Variants in DVL2 observed in about 807,000 individuals in gnomAD.
DVL2 encodes dishevelled segment polarity protein 2.
A neutral mutation model predicts 69.8 loss-of-function variants in DVL2; 38 were observed. The ratio of observed to expected loss-of-function variants is 0.54; its 90% CI spans 0.42 to 0.71. DVL2 has a LOEUF of 0.71. DVL2 is among the 30% of genes least tolerant of loss of function. The pLI, the probability that DVL2 is intolerant of heterozygous loss-of-function variation, is 0.00. For synonymous variants in DVL2, 428 were observed against 392.4 expected, an observed-to-expected ratio of 1.09 and a Z score of -1.07; for missense variants, 931 against 1,008.1, an observed-to-expected ratio of 0.92 and a Z score of 1.04.
intron 13 of DVL2, 119 bp from the exon 14 acceptor site, chr17:7,226,758 C>G (rs1175720455): frequency 2.5e-6 from 2 of 800,584 alleles, no homozygotes; most frequent in Admixed American, 6.4e-5. Context: ...GGGCTCAAAA[C>G]AGGGGTTCAC....
intron 1 of DVL2, among the ~76,000 whole-genome samples, chr17:7,231,588 C>T (rs977203515): frequency 7.3e-5 from 11 of 151,406 alleles, no homozygotes; most frequent in African/African-American, 9.7e-5. Flanking sequence ...AGAGGCCAGG[C>T]GTAGTGACTC....
At chr17:7,228,103 G>T in intron 9 of DVL2, 59 bp from the exon 10 acceptor site, 1 of 1,389,460 alleles carries the variant, frequency 7.2e-7, no homozygotes, top group South Asian at 1.4e-5. Flanking sequence ...CAGGAGGGCG[G>T]GGGTCTGAAG....
chr17:7,226,473 C>T lies in DVL2; in HGVS notation c.1710G>A (p.Glu570=). Residue 570 remains glutamate (E), a synonymous_variant, in exon 14 of 15, where the codon GAG becomes GAA. Coordinates refer to ENST00000005340, the MANE Select transcript of DVL2 (RefSeq NM_004422.3). ...CCCCACCATAGGTGTAAGATGAAAG[C>T]TCATGGTAGGGTGGAGGCTGCGGGC... is the stretch of plus-strand genomic sequence containing the variant. ...PYSPQPPPYH[E]LSSYTYGGGS... 1 of 1,563,960 alleles carries T rather than the reference C, an allele frequency of 6.4e-7. No homozygotes were observed. Among genetic ancestry groups the T allele is most frequent in the Non-Finnish European group, 8.6e-7 (1 of 1,157,246 alleles).
Position 7,233,087 on chromosome 17 carries a change from C to CAAAAAAAAAAAAAAAAAAAAA in DVL2, c.194+981_194+982insTTTTTTTTTTTTTTTTTTTTT, listed in dbSNP as rs59984818. Among the ~76,000 whole-genome samples, 174 of 36,226 alleles carry CAAAAAAAAAAAAAAAAAAAAA rather than the reference C, an allele frequency of 4.8e-3. 22 individuals are homozygous for CAAAAAAAAAAAAAAAAAAAAA. The highest frequency in any genetic ancestry group is 7.9e-3 in the Non-Finnish European group (128 of 16,240). The allele number at this position is 36,226 out of a possible 152,430, so 23.8% of individuals were successfully genotyped here. A position where few individuals can be genotyped will look rare whatever the true frequency, so the allele number is the denominator to read the frequency against. On this transcript the variant is annotated intron_variant, in intron 1 of 14. Coordinates refer to ENST00000005340, the MANE Select transcript of DVL2 (RefSeq NM_004422.3). The stretch of plus-strand genomic sequence containing the variant: ...CCTGGGCGACAGAGCGAGACTGTCT[C>CAAAAAAAAAAAAAAAAAAAAA]AAAAAAAAAAAAAAAAAAAAGCAGA...
intron 11 of DVL2, 24 bp downstream of exon 11, chr17:7,227,631 G>A: frequency 6.2e-7 from 1 of 1,614,184 alleles, no homozygotes; most frequent in Non-Finnish European, 8.5e-7. Context: ...TGGGAGGGTG[G>A]GATGAGGTGG....
chr17:7,230,644 TG>T, intron 2 of DVL2, 83 bp downstream of exon 2: 1 of 1,448,836 alleles, frequency 6.9e-7, no homozygotes, highest in Non-Finnish European at 9.5e-7. Context: ...ACGCGCGGCC[TG>T]GGGAGGATAC....
At position 7,229,801 on chromosome 17, in the gene DVL2, G is replaced by T; in HGVS notation, c.656+7C>A. On this transcript the variant is annotated splice_region_variant and intron_variant, in intron 5 of 14. Transcript: ENST00000005340. The surrounding 1 kb of genome is among the most constrained non-coding windows in gnomAD (Gnocchi z 4.4). ...GGTGCGCTGGGGAGAGCTGTGCGGA[G>T]CCACACCTGCTCATGGTGTCCTCCT... 6.2e-7 allele frequency: 1 copy of T among 1,610,888 alleles called. No individual in the cohort carries two copies.
chr17:7,227,121 G>C lies in DVL2; in HGVS notation c.1512C>G (p.Val504=), dbSNP rs1447292472. 6.2e-7 allele frequency: 1 copy of C among 1,613,630 alleles called. No individual in the cohort carries two copies. Among genetic ancestry groups the C allele is most frequent in the East Asian group, 2.2e-5 (1 of 44,888 alleles). ...KITFSEQCYY[V]FGDLSGGCES... ...CACAGCCACCACTGAGGTCTCCGAA[G>C]ACGTAATAGCACTGCTCAGAGAAGG... The change falls in exon 13 of 15, where the codon GTC becomes GTG. Residue 504 remains valine (V), a synonymous_variant. Transcript: ENST00000005340.
chr17:7,227,486 G>T lies in DVL2; in HGVS notation c.1281C>A (p.Thr427=), dbSNP rs1193255407. 4 of 1,614,218 alleles carry T rather than the reference G, an allele frequency of 2.5e-6. No individual in the cohort carries two copies. The highest frequency in any genetic ancestry group is 1.6e-4 in the Middle Eastern group (1 of 6,062). The change falls in exon 12 of 15, where the codon ACC becomes ACA. Residue 427 remains threonine (T), a synonymous_variant. Transcript: ENST00000005340. ...LSVHTDMASV[T]KAMAAPESGL... ...CAGACTCTGGAGCTGCCATGGCCTT[G>T]GTCACCGATGCCATGTCCGTATGGA... is the stretch of plus-strand genomic sequence containing the variant.
At chr17:7,228,816 AG>A in intron 9 of DVL2, 152 bp downstream of exon 9, 1 of 683,186 alleles carries the variant, frequency 1.5e-6, no homozygotes, top group Non-Finnish European at 2.5e-6. Flanking sequence ...TCCTCACCTC[AG>A]GTGATCCACC....
rs2071435273 is a variant in DVL2 at position 7,225,831 on chromosome 17, A to G, written c.*34T>C. ...CGGCCAGGACACCCAGTCACACACC[A>G]GGAGCGCCCGGCCCAGCCTGGCCCC... On this transcript the variant is annotated 3_prime_UTR_variant, in exon 15 of 15. Coordinates refer to ENST00000005340, the MANE Select transcript of DVL2 (RefSeq NM_004422.3). 6.3e-7 allele frequency: 1 copy of G among 1,589,412 alleles called. No homozygotes were observed. Among genetic ancestry groups the G allele is most frequent in the Admixed American group, 1.7e-5 (1 of 59,938 alleles).
Position 7,226,145 on chromosome 17 carries a change from C to A in DVL2, c.1931G>T (p.Gly644Val). 6.2e-7 allele frequency: 1 copy of A among 1,606,092 alleles called. No homozygotes were observed. The highest frequency in any genetic ancestry group is 8.5e-7 in the Non-Finnish European group (1 of 1,176,070). Residue 644 changes from glycine to valine, a missense_variant, in exon 15 of 15, where the codon GGC becomes GTC. Around this residue, in one of 3 missense-constraint regions of DVL2, gnomAD observed 314 missense variants for 313.7 expected, o/e 1.00. Transcript: ENST00000005340. ...GGEASGTSDG[G>V]PPPSRGSTGG... ...AGTTGAGCCTCTGGATGGAGGAGGG[C>A]CCCCATCGCTAGTCCCACTTGCTTC...
intron 1 of DVL2, 94 bp downstream of exon 1, chr17:7,233,975 T>C (rs761129362): frequency 1.6e-5 from 22 of 1,379,478 alleles, no homozygotes; most frequent in East Asian, 1.1e-4. Context: ...GGCCAGAAAA[T>C]CCCAGTGTGG....
chr17:7,234,262 T>TG lies in DVL2; in HGVS notation c.-1dup, dbSNP rs1398742474. On this transcript the variant is annotated 5_prime_UTR_variant, in exon 1 of 15. Coordinates refer to ENST00000005340, the MANE Select transcript of DVL2 (RefSeq NM_004422.3). ...CCGCCCCCAGTGCTGCTACCCGCCA[T>TG]GGTCTCGCCCGCGCGCTCCCGGGCT... is the stretch of plus-strand genomic sequence containing the variant. The TG allele has an allele frequency of 1.4e-6, 2 of 1,421,722 alleles. No individual in the cohort carries two copies. Among genetic ancestry groups the TG allele is most frequent in the Non-Finnish European group, 1.9e-6 (2 of 1,050,756 alleles). 88.1% of individuals were successfully genotyped at this position (1,421,722 alleles called of 1,614,324 possible).
intron 12 of DVL2, 56 bp downstream of exon 12, chr17:7,227,348 G>A: frequency 1.9e-6 from 3 of 1,604,638 alleles, no homozygotes; most frequent in Non-Finnish European, 1.7e-6. Flanking sequence ...GCCATTCCTG[G>A]CTTTGGTCAC....
At position 7,227,392 on chromosome 17, in the gene DVL2, AC is replaced by A; in HGVS notation, c.1363+11del. ...CCCCTTCTCCAGCCACCTGCCCAGG[AC>A]CCAGCCATACCCAGAAAGGCATTAG... On this transcript the variant is annotated intron_variant, in intron 12 of 14. Coordinates refer to ENST00000005340, the MANE Select transcript of DVL2 (RefSeq NM_004422.3). 1 of 1,612,718 alleles carries A rather than the reference AC, an allele frequency of 6.2e-7. No individual in the cohort carries two copies. The highest frequency in any genetic ancestry group is 8.5e-7 in the Non-Finnish European group (1 of 1,178,994).
chr17:7,230,142 T>C lies in DVL2; in HGVS notation c.424A>G (p.Ser142Gly), dbSNP rs2071520432. 6.2e-7 allele frequency: 1 copy of C among 1,614,160 alleles called. No homozygotes were observed. Among genetic ancestry groups the C allele is most frequent in the Non-Finnish European group, 8.5e-7 (1 of 1,180,014 alleles). Residue 142 changes from serine to glycine, a missense_variant, in exon 4 of 15, where the codon AGC becomes GGC. Physicochemically the swap from Ser to Gly is moderately conservative, Grantham distance 56 (BLOSUM62 0). This residue lies in a region of DVL2 where 555 missense variants were observed against 588.8 expected (regional missense o/e 0.94). Coordinates refer to ENST00000005340, the MANE Select transcript of DVL2 (RefSeq NM_004422.3). ...TCAGGCTCCAGATTCTCATGGCTGC[T>C]GGACACATTAGGGCTGGACAGGCAG... ...RPPSFHPNVS[S>G]SHENLEPETE... is the part of the protein sequence containing the mutation.
chr17:7,231,442 G>C, intron 1 of DVL2, among the ~76,000 whole-genome samples: 1 of 114,830 alleles, frequency 8.7e-6, no homozygotes, highest in East Asian at 2.4e-4. Context: ...CAGCCTGGGC[G>C]GCTCAAAAAA....
At position 7,225,748 on chromosome 17, in the gene DVL2, C is replaced by T. The variant is rs888309301; in HGVS notation, c.*117G>A. The stretch of plus-strand genomic sequence containing the variant: ...TGGTGAGAGTCACAGTGGCCACAAT[C>T]TCCTGTATGGCAGCAGCTGGTAGGC... On this transcript the variant is annotated 3_prime_UTR_variant, in exon 15 of 15. Coordinates refer to ENST00000005340, the MANE Select transcript of DVL2 (RefSeq NM_004422.3). 3 of 901,780 alleles carry T rather than the reference C, an allele frequency of 3.3e-6. No homozygotes were observed. In the Admixed American group the frequency reaches 5.5e-5, roughly 16 times the overall value. The allele number at this position is 901,780 out of a possible 1,614,324, so 55.9% of individuals were successfully genotyped here. A position where few individuals can be genotyped will look rare whatever the true frequency, so the allele number is the denominator to read the frequency against.
Sources: gnomAD v4.1 joint callset for allele counts (sites outside exome capture counted in the v4.1 genomes callset) on GRCh38, gnomAD v4.1.1 for gene constraint, gnomAD v4.1.1 regional missense constraint, Gnocchi (gnomAD v3.1) non-coding constraint, MANE v1.5 for transcripts, NCBI Gene and HGNC (gene_info 2026-07-23, HGNC 2026-07-21) for gene names.